Variants in SYN2 observed in about 807,000 individuals in gnomAD.
SYN2 encodes synapsin II, also known as synapsin-2.
In SYN2, 19 loss-of-function variants were observed where a neutral mutation model predicts 50.9. That is an observed-to-expected ratio of 0.37 (90% CI 0.26 to 0.55). SYN2 has a LOEUF of 0.55. SYN2 is among the 20% of genes least tolerant of loss of function. The pLI is 0.81. For missense variants in SYN2, 587 were observed against 576.4 expected (o/e 1.02, Z -0.19); for synonymous variants, 255 against 224.9 (o/e 1.13, Z -1.20).
At chr3:12,103,199 C>T (rs1461641279) in intron 1 of SYN2, among the ~76,000 whole-genome samples, 10 of 152,002 alleles carry the variant, frequency 6.6e-5, no homozygotes, top group Non-Finnish European at 2.9e-5. Flanking sequence ...TGCCCCAGAC[C>T]ACTAATGTAA....
intron 1 of SYN2, chr3:12,071,413 G>T: frequency 1.9e-6 from 1 of 536,558 alleles, no homozygotes; most frequent in South Asian, 1.4e-5. Flanking sequence ...TAATTCAGAA[G>T]TATAAATTGC....
intron 1 of SYN2, among the ~76,000 whole-genome samples, chr3:12,033,833 C>T (rs1484376708): frequency 1.3e-5 from 2 of 152,176 alleles, no homozygotes; most frequent in African/African-American, 2.4e-5. Flanking sequence ...CACATTGTAT[C>T]ATGTGTCAGT....
intron 10 of SYN2, among the ~76,000 whole-genome samples, chr3:12,171,195 G>A (rs553059370): frequency 5.3e-5 from 8 of 152,238 alleles, no homozygotes; most frequent in African/African-American, 1.9e-4. Flanking sequence ...GAAAATGAAA[G>A]TTAATTGCCT....
Position 12,152,850 on chromosome 3 carries a change from A to G in SYN2, c.774+1524A>G, listed in dbSNP as rs574331284. Among the ~76,000 whole-genome samples, 156 of 152,336 alleles carry G rather than the reference A, an allele frequency of 1.0e-3. 2 individuals are homozygous for G. The highest frequency in any genetic ancestry group is 2.2e-3 in the Admixed American group (34 of 15,314). The stretch of plus-strand genomic sequence containing the variant: ...AGGTAGTACCTATTCTGAGACAGTA[A>G]GTGCATTCTTATTCAAAGAGGTGTG... On this transcript the variant is annotated intron_variant, in intron 5 of 12. Coordinates refer to ENST00000621198, the MANE Select transcript of SYN2 (RefSeq NM_133625.6).
chr3:12,069,320 C>T (rs984792950), intron 1 of SYN2, among the ~76,000 whole-genome samples: 1 of 151,472 alleles, frequency 6.6e-6, no homozygotes, highest in East Asian at 1.9e-4. Context: ...ACAATCTCAG[C>T]TCACTGCAAC....
rs1693755030 is a variant in SYN2 at position 12,004,767 on chromosome 3, C to G, written c.216C>G (p.Pro72=). ...CCGCCTCGGCGCCCGCGCCGCAGCC[C>G]GCGCCGACGCCGTCGGTGGGCAGCA... ...PPPASAPAPQ[P]APTPSVGSSF... is the part of the protein sequence containing the mutation. The change falls in exon 1 of 13, where the codon CCC becomes CCG. Residue 72 remains proline, a synonymous_variant. Transcript: ENST00000621198. The G allele has an allele frequency of 2.8e-6, 1 of 361,480 alleles. No individual in the cohort carries two copies. Among genetic ancestry groups the G allele is most frequent in the Non-Finnish European group, 4.9e-6 (1 of 203,066 alleles). The allele number at this position is 361,480 out of a possible 1,614,324, so 22.4% of individuals were successfully genotyped here.
chr3:12,101,957 G>T (rs1181970150), intron 1 of SYN2, among the ~76,000 whole-genome samples: 3 of 152,160 alleles, frequency 2.0e-5, no homozygotes, highest in Admixed American at 2.0e-4. Context: ...TAGTTGTTAA[G>T]ATAGAATGCT....
At chr3:12,172,139 A>G (rs528321043) in intron 10 of SYN2, among the ~76,000 whole-genome samples, 1 of 152,334 alleles carries the variant, frequency 6.6e-6, no homozygotes, top group African/African-American at 2.4e-5. Flanking sequence ...GTCAGGACAC[A>G]CAAGGGCTAA....
At chr3:12,181,904 T>C (rs1327287726) in intron 10 of SYN2, among the ~76,000 whole-genome samples, 1 of 152,072 alleles carries the variant, frequency 6.6e-6, no homozygotes, top group Admixed American at 6.5e-5. Flanking sequence ...AGGCTCAGAC[T>C]GTGCCTTATG....
intron 2 of SYN2, among the ~76,000 whole-genome samples, chr3:12,141,047 G>T (rs1300070773): frequency 6.6e-6 from 1 of 152,092 alleles, no homozygotes; most frequent in African/African-American, 2.4e-5. Context: ...CCTCCGTATT[G>T]TTGGTGGCAA....
intron 1 of SYN2, among the ~76,000 whole-genome samples, chr3:12,103,056 A>G (rs1013059384): frequency 2.0e-5 from 3 of 152,164 alleles, no homozygotes; most frequent in Non-Finnish European, 4.4e-5. Context: ...TAATCTCCAC[A>G]GCAACCCTCT....
At chr3:12,059,994 A>G (rs895682781) in intron 1 of SYN2, among the ~76,000 whole-genome samples, 13 of 152,330 alleles carry the variant, frequency 8.5e-5, no homozygotes, top group African/African-American at 2.9e-4. Flanking sequence ...TCTTGCATCT[A>G]TCAGAGAAAT....
At chr3:12,005,705 G>C (rs1460542887) in intron 1 of SYN2, among the ~76,000 whole-genome samples, 1 of 151,876 alleles carries the variant, frequency 6.6e-6, no homozygotes, top group Non-Finnish European at 1.5e-5. Flanking sequence ...GATCATTAAA[G>C]GGGTACAAAT....
chr3:12,110,601 C>G (rs946860277), intron 1 of SYN2, among the ~76,000 whole-genome samples: 16 of 152,338 alleles, frequency 1.1e-4, no homozygotes, highest in African/African-American at 3.8e-4. Context: ...CATTTCTATA[C>G]ATCCTCCGAA....
In SYN2 at chr3:12,151,307, A is replaced by G; in HGVS notation, c.755A>G (p.Tyr252Cys). 6.2e-7 allele frequency: 1 copy of G among 1,613,070 alleles called. No homozygotes were observed. The highest frequency in any genetic ancestry group is 1.3e-5 in the African/African-American group (1 of 74,962). The change falls in exon 5 of 13, where the codon TAC becomes TGC. Residue 252 changes from tyrosine (Y) to cysteine (C), a missense_variant. Tyr to Cys is a radical substitution (Grantham distance 194). Coordinates refer to ENST00000621198, the MANE Select transcript of SYN2 (RefSeq NM_133625.6). ...TTCCCTCTCATTGAACAGACATACTACCCCAACCACAAAGAGATGGTAAGT... is the reference window on the plus strand; with the variant it reads ...TTCCCTCTCATTGAACAGACATACTGCCCCAACCACAAAGAGATGGTAAGT... The part of the protein sequence containing the change: ...EKFPLIEQTY[Y>C]PNHKEMLTLP...
At chr3:12,128,057 C>CA (rs79141668) in intron 1 of SYN2, among the ~76,000 whole-genome samples, 12,224 of 152,000 alleles carry the variant, frequency 0.08, 855 homozygotes, top group East Asian at 0.19. Context: ...GCGATCCTCC[C>CA]ACCTCAGCTC....
chr3:12,053,758 T>C (rs1235136944), intron 1 of SYN2, among the ~76,000 whole-genome samples: 3 of 152,184 alleles, frequency 2.0e-5, no homozygotes, highest in South Asian at 4.1e-4. Flanking sequence ...TAAACCTCAA[T>C]TAAAATTTTT....
Position 12,050,776 on chromosome 3 carries a change from C to T in SYN2, c.377+45848C>T, listed in dbSNP as rs1470111235. Among the ~76,000 whole-genome samples, 8 of 124,150 alleles carry T rather than the reference C, an allele frequency of 6.4e-5. No individual in the cohort carries two copies. The East Asian group carries it at 8.3e-4, about 13-fold the overall frequency. 81.4% of individuals were successfully genotyped at this position (124,150 alleles called of 152,430 possible). A position where few individuals can be genotyped will look rare whatever the true frequency, so the allele number is the denominator to read the frequency against. On this transcript the variant is annotated intron_variant, in intron 1 of 12. Transcript: ENST00000621198. ...CGGAGTCTCGCTCTGTCGCCCAGGC[C>T]GGACTGTGGACTGCAGTGGCGCGAT...
intron 10 of SYN2, among the ~76,000 whole-genome samples, chr3:12,177,150 C>A (rs556740941): frequency 7.8e-4 from 118 of 152,112 alleles, no homozygotes; most frequent in Non-Finnish European, 1.3e-3. Flanking sequence ...TCTACCAGTC[C>A]TTTTTTGTAC....
Sources: allele counts gnomAD v4.1 joint callset (sites outside exome capture counted in the v4.1 genomes callset), GRCh38; gene constraint gnomAD v4.1.1; transcripts MANE v1.5; gene names NCBI Gene and HGNC (gene_info 2026-07-23, HGNC 2026-07-21).